Variants in PXDN observed in about 807,000 individuals in gnomAD.
The protein encoded by PXDN is peroxidasin.
A neutral mutation model predicts 140.3 loss-of-function variants in PXDN; 77 were observed. The ratio of observed to expected loss-of-function variants is 0.55; its 90% CI spans 0.46 to 0.66. The LOEUF is 0.66. Among genes scored for constraint, PXDN ranks in the 30% least tolerant of loss-of-function variants. PXDN has a pLI of 0.00. For synonymous variants in PXDN, 911 were observed against 857.4 expected, an observed-to-expected ratio of 1.06 and a Z score of -1.09; for missense variants, 1,838 against 2,039.5, an observed-to-expected ratio of 0.90 and a Z score of 1.90.
At chr2:1,635,633 T>C in intron 21 of PXDN, 112 bp from the exon 22 acceptor site, 1 of 843,658 alleles carries the variant, frequency 1.2e-6, no homozygotes, top group South Asian at 1.4e-5. Flanking sequence ...AAACAACATT[T>C]GAGGGGAATA....
In PXDN at chr2:1,653,760, G is replaced by T; in HGVS notation, c.1972C>A (p.Leu658Met). Residue 658 changes from leucine to methionine, a missense_variant, in exon 16 of 23, where the codon CTG becomes ATG. Leu to Met is a conservative substitution (Grantham distance 15, BLOSUM62 2). Coordinates refer to ENST00000252804, the MANE Select transcript of PXDN (RefSeq NM_012293.3). The stretch of plus-strand genomic sequence containing the variant: ...TCCCTCGGATACCGGAACAAGGCCA[G>T]CAAATCATTTGGAGAACGAGGACGG... The part of the protein sequence containing the change: ...DSRPRSPNDL[L>M]ALFRYPRDPY... 1 of 1,585,422 alleles carries T rather than the reference G, an allele frequency of 6.3e-7. No individual in the cohort carries two copies. Among genetic ancestry groups the T allele is most frequent in the Non-Finnish European group, 8.6e-7 (1 of 1,164,604 alleles).
intron 1 of PXDN, among the ~76,000 whole-genome samples, chr2:1,734,790 C>G (rs1217628925): frequency 6.6e-6 from 1 of 152,214 alleles, no homozygotes; most frequent in African/African-American, 2.4e-5. Flanking sequence ...TCACTTGAAC[C>G]TGGGAGGCGG....
chr2:1,640,523 C>G, intron 19 of PXDN, among the ~76,000 whole-genome samples: 1 of 152,208 alleles, frequency 6.6e-6, no homozygotes, highest in South Asian at 2.1e-4. Flanking sequence ...CCTCTGCCCC[C>G]ACAGCGGAGC....
rs369535598 is a variant in PXDN at position 1,666,484 on chromosome 2, G to A, written c.1021C>T (p.Arg341Ter). Reference protein sequence around the residue: ...VTLRYFGSPARPTFVIQPQNT... With the variant: ...VTLRYFGSPA ...TGTGGCTGGATTACAAAAGTGGGTC[G>A]AGCTGTCACAATTAAACAGAAATTC... is the stretch of plus-strand genomic sequence containing the variant. The change falls in exon 10 of 23, where the codon CGA becomes TGA. Residue 341 changes from arginine to a stop codon, truncating the protein, a stop_gained and splice_region_variant. Coordinates refer to ENST00000252804, the MANE Select transcript of PXDN (RefSeq NM_012293.3). LOFTEE classifies it high-confidence loss of function. The A allele has an allele frequency of 2.5e-6, 4 of 1,589,150 alleles. No homozygotes were observed. Among genetic ancestry groups the A allele is most frequent in the Non-Finnish European group, 2.6e-6 (3 of 1,160,652 alleles).
At position 1,633,883 on chromosome 2, in the gene PXDN, A is replaced by C; in HGVS notation, c.*321T>G. The C allele has an allele frequency of 9.8e-6, 2 of 203,878 alleles. No homozygotes were observed. Among genetic ancestry groups the C allele is most frequent in the Non-Finnish European group, 2.0e-5 (2 of 100,432 alleles). 12.6% of individuals were successfully genotyped at this position (203,878 alleles called of 1,614,324 possible). ...TGGTGTTGGGAGGCAAAATCAATTT[A>C]GGCGCCTAAATGATTCAACTGTGCA... On this transcript the variant is annotated 3_prime_UTR_variant, in exon 23 of 23. Coordinates refer to ENST00000252804, the MANE Select transcript of PXDN (RefSeq NM_012293.3).
chr2:1,691,658 C>G (rs890310487), intron 3 of PXDN, among the ~76,000 whole-genome samples: 2 of 152,104 alleles, frequency 1.3e-5, no homozygotes, highest in African/African-American at 4.8e-5. Flanking sequence ...ATTTCCAGAG[C>G]GATTTTCAGA....
chr2:1,711,487 GCTCCACCAGCACCCA>G (rs1558521438), intron 1 of PXDN, among the ~76,000 whole-genome samples: 1 of 37,326 alleles, frequency 2.7e-5, no homozygotes, highest in East Asian at 9.0e-4. Flanking sequence ...ACCAGCACCC[GCTCCACCAGCACCCA>G]CTCTCCACCA....
Position 1,665,047 on chromosome 2 carries a change from T to C in PXDN, c.1319A>G (p.Gln440Arg), listed in dbSNP as rs762433067. ...CTGGCCCTCAATAACGACTCTGTCC[T>C]GAGGCGTCACAGTGAACTGAGGAAG... ...QALPQFTVTP[Q>R]DRVVIEGQTV... Residue 440 changes from glutamine (Q) to arginine (R), a missense_variant, in exon 11 of 23, where the codon CAG becomes CGG. Around this residue, in one of 5 missense-constraint regions of PXDN, gnomAD observed 537 missense variants for 583.9 expected, o/e 0.92. Coordinates refer to ENST00000252804, the MANE Select transcript of PXDN (RefSeq NM_012293.3). 2.5e-6 allele frequency: 4 copies of C among 1,610,574 alleles called. No individual in the cohort carries two copies. In the East Asian group the frequency reaches 6.7e-5, roughly 27 times the overall value.
intron 1 of PXDN, among the ~76,000 whole-genome samples, chr2:1,719,303 AGGCAGCAGCC>A (rs1200611835): frequency 6.6e-6 from 1 of 152,196 alleles, no homozygotes; most frequent in African/African-American, 2.4e-5. Flanking sequence ...GGCCCTCCCC[AGGCAGCAGCC>A]GGCAGCACCC....
chr2:1,673,610 A>G (rs1179720067), intron 9 of PXDN, 33 bp downstream of exon 9: 1 of 1,590,566 alleles, frequency 6.3e-7, no homozygotes, highest in Admixed American at 1.7e-5. Flanking sequence ...ACAATTCTGG[A>G]TGGAACCCCG....
chr2:1,638,776 G>A lies in PXDN; in HGVS notation c.4206+70C>T, dbSNP rs6711436. ...GCCTGGGAATAAAATGCTATACCCA[G>A]AAGGTTCGGGCAGGGCTGTGCTGCT... is the stretch of plus-strand genomic sequence containing the variant. On this transcript the variant is annotated intron_variant, in intron 21 of 22. Transcript: ENST00000252804. 0.073 allele frequency: 116,229 copies of A among 1,600,250 alleles called. 4,728 individuals are homozygous for A. The highest frequency in any genetic ancestry group is 0.086 in the Admixed American group (5,158 of 59,982).
At chr2:1,636,802 CCT>C (rs1322796901) in intron 21 of PXDN, 1 of 152,112 alleles carries the variant, frequency 6.6e-6, no homozygotes, top group Non-Finnish European at 1.5e-5. Flanking sequence ...CTGCATGTCA[CCT>C]CTGTGTCTGC....
At chr2:1,719,757 G>A (rs1315753674) in intron 1 of PXDN, among the ~76,000 whole-genome samples, 1 of 152,152 alleles carries the variant, frequency 6.6e-6, no homozygotes, top group Non-Finnish European at 1.5e-5. Context: ...CAGGTCATGT[G>A]ACACACATCG....
rs746624052 is a variant in PXDN at position 1,649,613 on chromosome 2, A to G, written c.2167T>C (p.Cys723Arg). 2 of 1,614,036 alleles carry G rather than the reference A, an allele frequency of 1.2e-6. No individual in the cohort carries two copies. Among genetic ancestry groups the G allele is most frequent in the Non-Finnish European group, 8.5e-7 (1 of 1,179,884 alleles). ...TTGTTCACGCGCCGGTGGGCGGTAC[A>G]GCCCGACAGGTTTGCGATGAGGTTC... is the stretch of plus-strand genomic sequence containing the variant. ...YLNLIANLSG[C>R]TAHRRVNNCS... Residue 723 changes from cysteine (C) to arginine (R), a missense_variant, in exon 17 of 23, where the codon TGT becomes CGT. Transcript: ENST00000252804. The surrounding 1 kb of genome is among the most constrained non-coding windows in gnomAD (Gnocchi z 7.1).
chr2:1,661,785 G>T (rs1217726260), intron 13 of PXDN, among the ~76,000 whole-genome samples: 5 of 152,158 alleles, frequency 3.3e-5, no homozygotes, highest in African/African-American at 1.2e-4. Flanking sequence ...TTATTGAAAA[G>T]ATCAAAAAAA....
At chr2:1,725,768 G>A (rs1283537526) in intron 1 of PXDN, among the ~76,000 whole-genome samples, 2 of 152,076 alleles carry the variant, frequency 1.3e-5, no homozygotes, top group African/African-American at 4.8e-5. Context: ...GTGGGCAAAG[G>A]AAATGAACAG....
chr2:1,654,703 C>T (rs1472169905), intron 14 of PXDN, among the ~76,000 whole-genome samples, 195 bp from the exon 15 acceptor site: 1 of 152,174 alleles, frequency 6.6e-6, no homozygotes, highest in African/African-American at 2.4e-5. Flanking sequence ...AAATTACAGA[C>T]TTTAGCTTTT....
chr2:1,681,410 C>T (rs556991390), intron 6 of PXDN, among the ~76,000 whole-genome samples: 4 of 152,010 alleles, frequency 2.6e-5, no homozygotes, highest in Non-Finnish European at 5.9e-5. Context: ...CCCCATCTTT[C>T]GCTGAACTAG....
At chr2:1,707,284 C>G (rs567608026) in intron 1 of PXDN, among the ~76,000 whole-genome samples, 6 of 79,108 alleles carry the variant, frequency 7.6e-5, no homozygotes, top group Admixed American at 2.8e-4. Context: ...ACTAATAATA[C>G]AATCTGAGAG....
Sources: gnomAD v4.1 joint callset for allele counts (sites outside exome capture counted in the v4.1 genomes callset) on GRCh38, gnomAD v4.1.1 for gene constraint, gnomAD v4.1.1 regional missense constraint, Gnocchi (gnomAD v3.1) non-coding constraint, MANE v1.5 for transcripts, NCBI Gene and HGNC (gene_info 2026-07-23, HGNC 2026-07-21) for gene names.